FAM81A: variants seen among roughly 807,000 people sequenced by gnomAD.
The protein encoded by FAM81A is family with sequence similarity 81 member A, also known as protein FAM81A.
Under a neutral mutation model 46.7 loss-of-function variants are expected in FAM81A, and 19 were observed. The observed-to-expected ratio is 0.41, with a 90% CI of 0.28 to 0.60. The LOEUF (loss-of-function observed/expected upper bound fraction) is 0.60. FAM81A is among the 20% of genes least tolerant of loss of function. The pLI is 0.34. For synonymous variants in FAM81A, 183 were observed against 152.9 expected, an observed-to-expected ratio of 1.20 and a Z score of -1.45; for missense variants, 377 against 453.5, an observed-to-expected ratio of 0.83 and a Z score of 1.53.
In FAM81A at chr15:59,410,197, T is replaced by A. The variant is rs551771202; in HGVS notation, c.-78+7839T>A. On this transcript the variant is annotated intron_variant, in intron 2 of 4. Transcript: ENST00000558348. ...CTGTAGTCCCAGCTACCTAGGAGGCTGAGGCAGAGAATAGCTGGAACCCGG... is the reference window on the plus strand; with the variant it reads ...CTGTAGTCCCAGCTACCTAGGAGGCAGAGGCAGAGAATAGCTGGAACCCGG... 5.3e-5 allele frequency among the ~76,000 whole-genome samples: 8 copies of A among 152,088 alleles called. No individual in the cohort carries two copies. In the East Asian group the frequency reaches 1.5e-3, roughly 29 times the overall value.
intron 1 of FAM81A, chr15:59,401,975 G>A (rs1363116661): frequency 2.9e-6 from 2 of 701,138 alleles, no homozygotes; most frequent in African/African-American, 3.6e-5. Flanking sequence ...GGTGTTTACA[G>A]TGTAATTCAA....
At chr15:59,429,236 C>G (rs184914703) in intron 2 of FAM81A, among the ~76,000 whole-genome samples, 4 of 152,192 alleles carry the variant, frequency 2.6e-5, no homozygotes, top group Admixed American at 2.6e-4. Context: ...TTGTTTTTAT[C>G]TTTGTGTTCT....
At chr15:59,474,015 G>T (rs1166889335) in intron 3 of FAM81A, among the ~76,000 whole-genome samples, 1 of 152,112 alleles carries the variant, frequency 6.6e-6, no homozygotes, top group Non-Finnish European at 1.5e-5. Context: ...CTTCAGCTGG[G>T]CCACTGATGC....
rs140962507 is a variant in FAM81A, at chr15:59,420,333, G to A, written c.-78+17975G>A. Among the ~76,000 whole-genome samples the A allele has an allele frequency of 1.1e-3, 172 of 152,262 alleles. 2 individuals are homozygous for A. The highest frequency in any genetic ancestry group is 4.0e-3 in the African/African-American group (168 of 41,558). On this transcript the variant is annotated intron_variant, in intron 2 of 4. Coordinates refer to the FAM81A transcript ENST00000558348. ...TGCCACTGTAACCATATGTAGGCGG[G>A]GACATCTTTTGTGGGTTCATGTCAT...
chr15:59,418,745 C>T (rs1249291216), intron 2 of FAM81A, among the ~76,000 whole-genome samples: 1 of 152,172 alleles, frequency 6.6e-6, no homozygotes, highest in African/African-American at 2.4e-5. Context: ...TAAATCCAGG[C>T]TCATCAGTTA....
intron 2 of FAM81A, among the ~76,000 whole-genome samples, chr15:59,422,969 T>A (rs1256491363): frequency 1.3e-5 from 2 of 152,246 alleles, no homozygotes; most frequent in Non-Finnish European, 2.9e-5. Context: ...GCCTATGGAA[T>A]AATGATAATA....
intron 2 of FAM81A, among the ~76,000 whole-genome samples, chr15:59,459,172 AT>A (rs1305472169): frequency 2.0e-5 from 3 of 151,734 alleles, no homozygotes; most frequent in Non-Finnish European, 4.4e-5. Flanking sequence ...TTTTTAAATA[AT>A]TTTTTTTGTA....
At chr15:59,491,042 T>C (rs2081975205) in intron 3 of FAM81A, among the ~76,000 whole-genome samples, 1 of 152,154 alleles carries the variant, frequency 6.6e-6, no homozygotes, top group Non-Finnish European at 1.5e-5. Flanking sequence ...TACCATATGA[T>C]TCAGCAATCC....
intron 3 of FAM81A, among the ~76,000 whole-genome samples, chr15:59,467,784 G>A (rs925206582): frequency 6.6e-6 from 1 of 152,154 alleles, no homozygotes; most frequent in Non-Finnish European, 1.5e-5. Context: ...CTTGTTTTGT[G>A]CCGGTTTTCA....
intron 3 of FAM81A, among the ~76,000 whole-genome samples, chr15:59,469,650 G>A (rs538116296): frequency 6.6e-6 from 1 of 151,990 alleles, no homozygotes; most frequent in Admixed American, 6.5e-5. Context: ...GCACACTGAT[G>A]GGTCTTGACT....
intron 3 of FAM81A, among the ~76,000 whole-genome samples, chr15:59,490,369 A>G (rs561566711): frequency 1.3e-5 from 2 of 152,166 alleles, no homozygotes; most frequent in South Asian, 2.1e-4. Context: ...TCACCAGAAT[A>G]TATAAGGAGC....
chr15:59,448,586 G>GT (rs1397994861), intron 1 of FAM81A, among the ~76,000 whole-genome samples: 1 of 151,034 alleles, frequency 6.6e-6, no homozygotes, highest in African/African-American at 2.4e-5. Context: ...CACCTTGGTG[G>GT]GTTTTTTTTT....
chr15:59,510,967 G>T (rs1194687698), intron 6 of FAM81A, among the ~76,000 whole-genome samples: 1 of 151,870 alleles, frequency 6.6e-6, no homozygotes, highest in Non-Finnish European at 1.5e-5. Flanking sequence ...GGCCAACATG[G>T]TGAAATCCTG....
intron 3 of FAM81A, among the ~76,000 whole-genome samples, chr15:59,471,143 C>G (rs2081683201): frequency 6.6e-6 from 1 of 152,170 alleles, no homozygotes; most frequent in African/African-American, 2.4e-5. Context: ...TTTTTAACCT[C>G]TTTACATTTT....
rs770048379 is a variant in FAM81A at position 59,458,596 on chromosome 15, C to T, written c.-31C>T. On this transcript the variant is annotated 5_prime_UTR_variant, in exon 2 of 9. Transcript: ENST00000288228. ...ATGGCCCAACGGAGCACTGTATTTC[C>T]TTCTCGTGTCACCAAGGAAAGGTAT... The T allele has an allele frequency of 1.2e-5, 20 of 1,613,706 alleles. No individual in the cohort carries two copies. The Admixed American group carries it at 1.7e-4, about 13-fold the overall frequency.
chr15:59,399,257 C>T (rs1323942212), intron 1 of FAM81A, among the ~76,000 whole-genome samples: 2 of 152,170 alleles, frequency 1.3e-5, no homozygotes, highest in African/African-American at 4.8e-5. Flanking sequence ...TGTCTTCTCC[C>T]TATAAAATCA....
At position 59,516,660 on chromosome 15, in the gene FAM81A, G is replaced by C. The variant is rs775127813; in HGVS notation, c.802G>C (p.Asp268His). ...TGGATCTCAGGGAGCCAGTGAAAGGGATATGGAGAAGAAGCTCAGCCAGAT... is the reference window on the plus strand; with the variant it reads ...TGGATCTCAGGGAGCCAGTGAAAGGCATATGGAGAAGAAGCTCAGCCAGAT... ...VKENSGASER[D>H]MEKKLSQMSA... Residue 268 changes from aspartate (D) to histidine (H), a missense_variant, in exon 8 of 9, where the codon GAT becomes CAT. Transcript: ENST00000288228. The C allele has an allele frequency of 6.2e-7, 1 of 1,612,922 alleles. No individual in the cohort carries two copies. Among genetic ancestry groups the C allele is most frequent in the South Asian group, 1.1e-5 (1 of 90,910 alleles).
rs2081527489 is a variant in FAM81A, at chr15:59,459,713, A to G, written c.21-220A>G. Among the ~76,000 whole-genome samples, 2 of 152,154 alleles carry G rather than the reference A, an allele frequency of 1.3e-5. 1 individual carries two copies. The highest frequency in any genetic ancestry group is 1.3e-4 in the Admixed American group (2 of 15,272). ...TGCCAGCCTCTTGCTCTTGGAAGTC[A>G]TGGAGACCGCTTCTAAAACACTGAA... On this transcript the variant is annotated intron_variant, in intron 2 of 8. Coordinates refer to ENST00000288228, the MANE Select transcript of FAM81A (RefSeq NM_152450.3).
intron 8 of FAM81A, among the ~76,000 whole-genome samples, chr15:59,517,938 C>T (rs895945291): frequency 3.0e-4 from 46 of 151,006 alleles, no homozygotes; most frequent in Non-Finnish European, 5.2e-4. Context: ...AAGCCATTTT[C>T]TTTATTACAA....
Sources: allele counts gnomAD v4.1 joint callset (sites outside exome capture counted in the v4.1 genomes callset), GRCh38; gene constraint gnomAD v4.1.1; transcripts MANE v1.5; gene names NCBI Gene and HGNC (gene_info 2026-07-23, HGNC 2026-07-21).